GRK4: variants seen among roughly 807,000 people sequenced by gnomAD.
The protein encoded by GRK4 is G protein-coupled receptor kinase 2-like.
GRK4 carries 73 observed loss-of-function variants against 77.9 expected under a neutral mutation model. That is an observed-to-expected ratio of 0.94 (90% CI 0.78 to 1.14). The LOEUF is 1.14. GRK4 is among the 50% of genes most tolerant of loss of function. The pLI is 0.00. For synonymous variants in GRK4, 257 were observed against 254.4 expected, an observed-to-expected ratio of 1.01 and a Z score of -0.10; for missense variants, 729 against 700.2, an observed-to-expected ratio of 1.04 and a Z score of -0.46.
In GRK4 at chr4:3,004,276, T is replaced by C; in HGVS notation, c.385T>C (p.Cys129Arg). 2 of 1,613,936 alleles carry C rather than the reference T, an allele frequency of 1.2e-6. No individual in the cohort carries two copies. Among genetic ancestry groups the C allele is most frequent in the Non-Finnish European group, 1.7e-6 (2 of 1,179,826 alleles). Residue 129 changes from cysteine (C) to arginine (R), a missense_variant, in exon 5 of 16, where the codon TGT becomes CGT. Transcript: ENST00000398052. The part of the protein sequence containing the change: ...PEIPPDVVTE[C>R]RLGLKEENPS... ...AATACCTCCAGATGTTGTGACAGAA[T>C]GTAGATTGGGACTGAAGGAGGAGAA...
intron 2 of GRK4, among the ~76,000 whole-genome samples, chr4:2,986,201 G>A (rs914690159): frequency 3.3e-5 from 5 of 151,158 alleles, no homozygotes; most frequent in Non-Finnish European, 5.9e-5. Flanking sequence ...ACTGGTTGTT[G>A]TCAGTATTTT....
intron 4 of GRK4, among the ~76,000 whole-genome samples, chr4:2,993,422 C>A (rs552877798): frequency 2.0e-5 from 3 of 152,168 alleles, no homozygotes; most frequent in South Asian, 4.2e-4. Context: ...GCCTGTAACC[C>A]CAGCACTTTG....
At chr4:2,993,264 G>A (rs1726809582) in intron 4 of GRK4, among the ~76,000 whole-genome samples, 1 of 152,214 alleles carries the variant, frequency 6.6e-6, no homozygotes, top group Non-Finnish European at 1.5e-5. Flanking sequence ...TGAAATTAGA[G>A]CTGTAACCTG....
At chr4:3,036,478 T>A (rs890472381) in intron 13 of GRK4, among the ~76,000 whole-genome samples, 2 of 152,246 alleles carry the variant, frequency 1.3e-5, no homozygotes, top group Admixed American at 6.5e-5. Context: ...AGTGCACAAG[T>A]CCTGGGTGAA....
chr4:3,021,233 G>A (rs1289731027), intron 9 of GRK4, among the ~76,000 whole-genome samples: 1 of 152,088 alleles, frequency 6.6e-6, no homozygotes, highest in Non-Finnish European at 1.5e-5. Context: ...TTGTACCTTT[G>A]CACAAGGTGT....
At chr4:3,017,360 A>G (rs143428883) in intron 8 of GRK4, among the ~76,000 whole-genome samples, 4 of 152,106 alleles carry the variant, frequency 2.6e-5, no homozygotes, top group Admixed American at 6.5e-5. Context: ...GCATTGGTTC[A>G]TCTGTCATCT....
intron 1 of GRK4, chr4:2,969,298 C>T (rs1718730295): frequency 6.6e-6 from 1 of 152,150 alleles, no homozygotes; most frequent in South Asian, 2.1e-4. Context: ...CCTTGCCCTT[C>T]CAAATTGTTG....
intron 4 of GRK4, among the ~76,000 whole-genome samples, chr4:2,997,838 G>A (rs1202492290): frequency 3.3e-5 from 5 of 150,488 alleles, no homozygotes; most frequent in Non-Finnish European, 5.9e-5. Context: ...AACCTGGGAG[G>A]CAGAGGTTAC....
chr4:2,972,008 T>C (rs1020516125), intron 1 of GRK4, among the ~76,000 whole-genome samples: 2 of 152,208 alleles, frequency 1.3e-5, no homozygotes, highest in African/African-American at 4.8e-5. Flanking sequence ...GTCTGAGGGT[T>C]AGGGGCTAAC....
rs920285029 is a variant in GRK4, at chr4:2,969,657, G to C, written c.52+5535G>C. Among the ~76,000 whole-genome samples, 71 of 149,034 alleles carry C rather than the reference G, an allele frequency of 4.8e-4. 1 individual carries two copies. Among genetic ancestry groups the C allele is most frequent in the African/African-American group, 1.5e-3 (60 of 40,108 alleles). ...TCCCAAAGTGCTAGGATTTACAGGC[G>C]TGAGCCATGGTGCCCAGCCTTTTTT... On this transcript the variant is annotated intron_variant, in intron 1 of 15. Coordinates refer to ENST00000398052, the MANE Select transcript of GRK4 (RefSeq NM_182982.3).
At chr4:2,972,713 G>C in intron 1 of GRK4, among the ~76,000 whole-genome samples, 1 of 151,868 alleles carries the variant, frequency 6.6e-6, no homozygotes, top group African/African-American at 2.4e-5. Flanking sequence ...GTGCGCTGCT[G>C]TGTGTGTGTG....
chr4:3,024,171 C>G (rs575655086), intron 10 of GRK4, among the ~76,000 whole-genome samples: 1 of 152,316 alleles, frequency 6.6e-6, no homozygotes, highest in African/African-American at 2.4e-5. Flanking sequence ...GGGTGGGATG[C>G]CAGGATGGTT....
At chr4:2,981,877 C>T (rs572831457) in intron 1 of GRK4, among the ~76,000 whole-genome samples, 37 of 152,394 alleles carry the variant, frequency 2.4e-4, no homozygotes, top group African/African-American at 6.7e-4. Flanking sequence ...AACTCAGCCA[C>T]GCCTTGGCCT....
chr4:2,973,872 C>T (rs1049627211), intron 1 of GRK4, among the ~76,000 whole-genome samples: 2 of 152,202 alleles, frequency 1.3e-5, no homozygotes, highest in African/African-American at 4.8e-5. Flanking sequence ...GTAGTCTCTG[C>T]AGTGGCCTTA....
intron 10 of GRK4, among the ~76,000 whole-genome samples, chr4:3,023,912 A>G (rs184540629): frequency 2.9e-3 from 439 of 152,322 alleles, no homozygotes; most frequent in Non-Finnish European, 5.4e-3. Flanking sequence ...TTGCTCATAA[A>G]CATAAAGAAA....
intron 12 of GRK4, among the ~76,000 whole-genome samples, chr4:3,031,010 T>A (rs373626332): frequency 2.6e-5 from 4 of 151,932 alleles, no homozygotes; most frequent in African/African-American, 9.7e-5. Flanking sequence ...AGAGCAGGTG[T>A]GAGAAGTGAT....
intron 13 of GRK4, 131 bp downstream of exon 13, chr4:3,035,654 C>A: frequency 2.0e-6 from 2 of 1,011,098 alleles, no homozygotes; most frequent in Non-Finnish European, 2.8e-6. Context: ...GCACTCCTGG[C>A]CTCAAGTGGT....
At chr4:2,966,237 C>A (rs1332226476) in intron 1 of GRK4, 1 of 152,072 alleles carries the variant, frequency 6.6e-6, no homozygotes, top group Non-Finnish European at 1.5e-5. Context: ...CATGGTGAAA[C>A]CCCGTCTCTA....
At chr4:3,004,158 A>G (rs1284962913) in intron 4 of GRK4, 73 bp from the exon 5 acceptor site, 7 of 1,060,332 alleles carry the variant, frequency 6.6e-6, no homozygotes, top group South Asian at 1.4e-5. Context: ...TTTTTACAAT[A>G]AGCATTAGGT....
Sources: gnomAD v4.1 joint callset for allele counts (sites outside exome capture counted in the v4.1 genomes callset) on GRCh38, gnomAD v4.1.1 for gene constraint, MANE v1.5 for transcripts, NCBI Gene and HGNC (gene_info 2026-07-23, HGNC 2026-07-21) for gene names.